The following TMEM259 variants were observed in gnomAD, a reference collection of about 807,000 sequenced individuals.
TMEM259 encodes the protein transmembrane protein 259, also known as membralin.
Under a neutral mutation model 46.7 loss-of-function variants are expected in TMEM259, and 26 were observed. The observed-to-expected ratio is 0.56, with a 90% CI of 0.41 to 0.77. The LOEUF is 0.77. Among genes scored for constraint, TMEM259 ranks in the 30% least tolerant of loss-of-function variants. TMEM259 has a pLI of 0.00. For missense variants in TMEM259, 930 were observed against 900.5 expected (o/e 1.03, Z -0.42); for synonymous variants, 494 against 395.1 (o/e 1.25, Z -2.97).
rs747496294 is a variant in TMEM259 at position 1,012,085 on chromosome 19, G to C, written c.822C>G (p.Ala274=). The C allele has an allele frequency of 3.1e-6, 5 of 1,611,970 alleles. No individual in the cohort carries two copies. Among genetic ancestry groups the C allele is most frequent in the Admixed American group, 1.7e-5 (1 of 59,904 alleles). The change falls in exon 5 of 11, where the codon GCC becomes GCG. Residue 274 remains alanine (A), a synonymous_variant. Coordinates refer to ENST00000356663, the MANE Select transcript of TMEM259 (RefSeq NM_001033026.2). ...CCTCACCCTTGTTCTCCTCGTTCTCGGCCAGGCCCTTCACGCTGGACATGA... is the reference window on the plus strand; with the variant it reads ...CCTCACCCTTGTTCTCCTCGTTCTCCGCCAGGCCCTTCACGCTGGACATGA... ...DILMSSVKGL[A]ENEENKGFLR... is the part of the protein sequence containing the mutation.
rs984460731 is a variant in TMEM259, at chr19:1,011,943, C to T, written c.891G>A (p.Met297Ile). The T allele has an allele frequency of 9.9e-6, 16 of 1,612,190 alleles. No homozygotes were observed. Among genetic ancestry groups the T allele is most frequent in the Admixed American group, 1.7e-5 (1 of 59,974 alleles). ...CCAGGTAGGACGTCCGCGCCATCCA[C>T]ATGCTCACAAAGCGGTAGTGCTCGC... The part of the protein sequence containing the change: ...VSGEHYRFVS[M>I]WMARTSYLAA... Residue 297 changes from methionine to isoleucine, a missense_variant, in exon 6 of 11, where the codon ATG becomes ATA. Transcript: ENST00000356663.
chr19:1,012,230 C>T, intron 4 of TMEM259, 42 bp from the exon 5 acceptor site: 1 of 1,568,426 alleles, frequency 6.4e-7, no homozygotes, highest in South Asian at 1.2e-5. Flanking sequence ...CCCGCCCAGG[C>T]CACCCCCTGG....
chr19:1,010,530 G>C lies in TMEM259; in HGVS notation c.1683C>G (p.Leu561=). 1 of 1,548,148 alleles carries C rather than the reference G, an allele frequency of 6.5e-7. No homozygotes were observed. Among genetic ancestry groups the C allele is most frequent in the Non-Finnish European group, 8.7e-7 (1 of 1,146,728 alleles). ...ASFLSGLSAS[L]LERRPASPLG... is the part of the protein sequence containing the mutation. ...GCGGGCTGGCTGGACGCCGCTCCAG[G>C]AGGGAGGCGCTCAGGCCGGACAGGA... is the stretch of plus-strand genomic sequence containing the variant. Residue 561 remains leucine, a synonymous_variant, in exon 11 of 11, where the codon CTC becomes CTG. Coordinates refer to ENST00000356663, the MANE Select transcript of TMEM259 (RefSeq NM_001033026.2).
At chr19:1,012,415 G>C (rs752997278) in intron 4 of TMEM259, 48 bp downstream of exon 4, 1 of 1,539,222 alleles carries the variant, frequency 6.5e-7, no homozygotes, top group Admixed American at 2.0e-5. Flanking sequence ...CGAGGGAGGA[G>C]GGGAGGCCCC....
At position 1,011,151 on chromosome 19, in the gene TMEM259, C is replaced by T; in HGVS notation, c.1262G>A (p.Arg421His). Residue 421 changes from arginine (R) to histidine (H), a missense_variant, in exon 10 of 11, where the codon CGC (arginine) becomes CAC (histidine). Physicochemically the swap from Arg to His is conservative, Grantham distance 29. Transcript: ENST00000356663. The part of the protein sequence containing the change: ...YHFAFYAYHY[R>H]FNGQYSSLAL... ...CAGGCTGCTATACTGCCCATTGAAG[C>T]GGTAGTGATAGGCATAGAAGGCGAA... 2 of 1,605,680 alleles carry T rather than the reference C, an allele frequency of 1.2e-6. No homozygotes were observed. Among genetic ancestry groups the T allele is most frequent in the Non-Finnish European group, 1.7e-6 (2 of 1,175,922 alleles).
chr19:1,012,303 G>A (rs2038961307), intron 4 of TMEM259, 115 bp from the exon 5 acceptor site: 1 of 1,505,076 alleles, frequency 6.6e-7, no homozygotes, highest in Non-Finnish European at 8.9e-7. Flanking sequence ...CCCATTCTTA[G>A]GAAACCCATC....
At position 1,020,689 on chromosome 19, in the gene TMEM259, C is replaced by A. The variant is rs2039264303; in HGVS notation, c.225+83G>T. 4 of 1,046,366 alleles carry A rather than the reference C, an allele frequency of 3.8e-6. No individual in the cohort carries two copies. Among genetic ancestry groups the A allele is most frequent in the Non-Finnish European group, 5.0e-6 (4 of 805,686 alleles). The allele number at this position is 1,046,366 out of a possible 1,614,324, so 64.8% of individuals were successfully genotyped here. A position where few individuals can be genotyped will look rare whatever the true frequency, so the allele number is the denominator to read the frequency against. On this transcript the variant is annotated intron_variant, in intron 1 of 10. Transcript: ENST00000356663. This position sits in a 1 kb window ranked among gnomAD's most constrained non-coding sequence, Gnocchi z 4.0. The stretch of plus-strand genomic sequence containing the variant: ...GTGGCGCTCGCTGTCCCCAGCGGGG[C>A]CAGGGGTCGCGGTCGGAGGTAGCAG...
intron 1 of TMEM259, among the ~76,000 whole-genome samples, chr19:1,016,417 G>C (rs1051226465): frequency 3.9e-5 from 6 of 152,238 alleles, no homozygotes; most frequent in African/African-American, 1.4e-4. Flanking sequence ...CCTCGGCTCA[G>C]CACTCTCAGG....
intron 1 of TMEM259, chr19:1,017,541 C>T (rs1019368132): frequency 5.0e-5 from 20 of 397,752 alleles, no homozygotes; most frequent in Admixed American, 3.1e-4. Flanking sequence ...CCCTATGACC[C>T]TTCCTTCCTC....
chr19:1,019,321 G>A (rs1161461814), intron 1 of TMEM259, among the ~76,000 whole-genome samples: 1 of 152,186 alleles, frequency 6.6e-6, no homozygotes, highest in Admixed American at 6.5e-5. Context: ...GGACACAGTG[G>A]CTCCATCCTG....
At chr19:1,019,594 C>T (rs1209595927) in intron 1 of TMEM259, among the ~76,000 whole-genome samples, 1 of 152,142 alleles carries the variant, frequency 6.6e-6, no homozygotes, top group African/African-American at 2.4e-5. Context: ...TGGCAGCAGG[C>T]TGGGACCCAC....
In TMEM259 at chr19:1,012,550, C is replaced by G; in HGVS notation, c.631G>C (p.Val211Leu). 6.3e-7 allele frequency: 1 copy of G among 1,594,062 alleles called. No individual in the cohort carries two copies. The highest frequency in any genetic ancestry group is 8.5e-7 in the Non-Finnish European group (1 of 1,171,442). Residue 211 changes from valine to leucine, a missense_variant, in exon 4 of 11, where the codon GTG becomes CTG. Val to Leu is a conservative substitution (Grantham distance 32). Transcript: ENST00000356663. The part of the protein sequence containing the change: ...TKVWPQDEYI[V>L]EYSLEYGFLR... ...AAGCCATACTCTAGTGAGTACTCCA[C>G]GATGTACTCGTCCTGCGGCCACACT... is the stretch of plus-strand genomic sequence containing the variant.
Position 1,012,185 on chromosome 19 carries a change from G to T in TMEM259, c.722C>A (p.Pro241His). The T allele has an allele frequency of 6.3e-7, 1 of 1,598,818 alleles. No homozygotes were observed. Among genetic ancestry groups the T allele is most frequent in the Non-Finnish European group, 8.5e-7 (1 of 1,173,692 alleles). The change falls in exon 5 of 11, where the codon CCC becomes CAC. Residue 241 changes from proline to histidine, a missense_variant. Pro to His is a moderately conservative substitution (Grantham distance 77). Transcript: ENST00000356663. Reference sequence around the variant, plus strand: ...GTCCCCGAAGCACTGGTCCCGCGTGGGGTCTGCGGGTGGGTGAATCAGGGA... The same window carrying T: ...GTCCCCGAAGCACTGGTCCCGCGTGTGGTCTGCGGGTGGGTGAATCAGGGA... ...SIPVMVVTLD[P>H]TRDQCFGDRF...
chr19:1,017,372 T>C (rs2039144855), intron 1 of TMEM259: 2 of 399,384 alleles, frequency 5.0e-6, no homozygotes, highest in African/African-American at 4.1e-5. Flanking sequence ...CTACACTCCA[T>C]GACCCTGTCC....
intron 2 of TMEM259, chr19:1,013,622 C>T: frequency 2.6e-6 from 1 of 390,608 alleles, no homozygotes; most frequent in Non-Finnish European, 4.8e-6. Context: ...GTCCATGATG[C>T]TCTGCCCAAA....
rs1162610081 is a variant in TMEM259, at chr19:1,010,335, G to A, written c.*15C>T. 6.8e-7 allele frequency: 1 copy of A among 1,464,202 alleles called. No individual in the cohort carries two copies. The highest frequency in any genetic ancestry group is 2.9e-5 in the Admixed American group (1 of 35,080). 90.7% of individuals were successfully genotyped at this position (1,464,202 alleles called of 1,614,324 possible). A position where few individuals can be genotyped will look rare whatever the true frequency, so the allele number is the denominator to read the frequency against. On this transcript the variant is annotated 3_prime_UTR_variant, in exon 11 of 11. Coordinates refer to ENST00000356663, the MANE Select transcript of TMEM259 (RefSeq NM_001033026.2). ...GCCCAGCCAGCAGGGGTCAGAGGCG[G>A]CTCAGCTGTGCGGCTCAGGACCCCA...
In TMEM259 at chr19:1,020,425, G is replaced by A. The variant is rs2039252692; in HGVS notation, c.225+347C>T. 6.6e-6 allele frequency among the ~76,000 whole-genome samples: 1 copy of A among 152,052 alleles called. No individual in the cohort carries two copies. Among genetic ancestry groups the A allele is most frequent in the Non-Finnish European group, 1.5e-5 (1 of 68,004 alleles). On this transcript the variant is annotated intron_variant, in intron 1 of 10. Transcript: ENST00000356663. This position sits in a 1 kb window ranked among gnomAD's most constrained non-coding sequence, Gnocchi z 4.0. The stretch of plus-strand genomic sequence containing the variant: ...AGGCCAGGACCGGACTCCAAGCCTG[G>A]GTAGGTGGGGACCTGGGAAAGGCGG...
intron 1 of TMEM259, among the ~76,000 whole-genome samples, chr19:1,017,673 C>T (rs528506743): frequency 7.7e-4 from 118 of 152,318 alleles, no homozygotes; most frequent in African/African-American, 2.7e-3. Flanking sequence ...CACCCCAACA[C>T]TCGGCCACTG....
rs2038834851 is a variant in TMEM259 at position 1,009,792 on chromosome 19, G to C, written c.*558C>G. 1 of 517,742 alleles carries C rather than the reference G, an allele frequency of 1.9e-6. No individual in the cohort carries two copies. The allele number at this position is 517,742 out of a possible 1,614,324, so 32.1% of individuals were successfully genotyped here. ...GCCCACTCCATCCCCGAGTGGGACTGGACCACGGCCCTGGCTGCTGCCACT... is the reference window on the plus strand; with the variant it reads ...GCCCACTCCATCCCCGAGTGGGACTCGACCACGGCCCTGGCTGCTGCCACT... On this transcript the variant is annotated 3_prime_UTR_variant, in exon 11 of 11. Transcript: ENST00000356663.
Sources: gnomAD v4.1 joint callset for allele counts (sites outside exome capture counted in the v4.1 genomes callset) on GRCh38, gnomAD v4.1.1 for gene constraint, Gnocchi (gnomAD v3.1) non-coding constraint, MANE v1.5 for transcripts, NCBI Gene and HGNC (gene_info 2026-07-23, HGNC 2026-07-21) for gene names.